The following DIP2A variants were observed in gnomAD, a reference collection of about 807,000 sequenced individuals.
DIP2A encodes DIP2 acetate--CoA ligase A.
A neutral mutation model predicts 177.4 loss-of-function variants in DIP2A; 85 were observed. The ratio of observed to expected loss-of-function variants is 0.48; its 90% CI spans 0.40 to 0.57. The LOEUF (loss-of-function observed/expected upper bound fraction) is 0.57. Among genes scored for constraint, DIP2A ranks in the 20% least tolerant of loss-of-function variants. The pLI is 0.00. For synonymous variants in DIP2A, 886 were observed against 881.8 expected, an observed-to-expected ratio of 1.00 and a Z score of -0.08; for missense variants, 1,791 against 2,100.2, an observed-to-expected ratio of 0.85 and a Z score of 2.88.
rs1008379313 is a variant in DIP2A at position 46,537,822 on chromosome 21, A to G, written c.1801+283A>G. ...GTTGAGGTGCCTCCTGGGACCAAGC[A>G]GGAGGCCCCAGCATGGCCACACCTG... On this transcript the variant is annotated intron_variant, in intron 15 of 37. Coordinates refer to ENST00000417564, the MANE Select transcript of DIP2A (RefSeq NM_015151.4). The surrounding 1 kb of genome is among the most constrained non-coding windows in gnomAD (Gnocchi z 4.1). Among the ~76,000 whole-genome samples the G allele has an allele frequency of 1.3e-5, 2 of 152,032 alleles. No individual in the cohort carries two copies. Among genetic ancestry groups the G allele is most frequent in the African/African-American group, 4.8e-5 (2 of 41,424 alleles).
At chr21:46,507,231 T>A (rs1004904294) in intron 6 of DIP2A, among the ~76,000 whole-genome samples, 7 of 152,336 alleles carry the variant, frequency 4.6e-5, no homozygotes, top group African/African-American at 1.7e-4. Context: ...TGACATTCAG[T>A]TTACCAAATT....
chr21:46,547,405 C>T (rs768527520), intron 21 of DIP2A, among the ~76,000 whole-genome samples: 4 of 152,132 alleles, frequency 2.6e-5, no homozygotes, highest in African/African-American at 7.2e-5. Context: ...ATTTTCTCTG[C>T]GAGACACATG....
chr21:46,532,023 A>G, intron 9 of DIP2A, 104 bp from the exon 10 acceptor site: 1 of 1,022,428 alleles, frequency 9.8e-7, no homozygotes. Flanking sequence ...CAATTATTAC[A>G]ATATTTGGGG....
At position 46,459,149 on chromosome 21, in the gene DIP2A, C is replaced by T; in HGVS notation, c.18C>T (p.Cys6=). The T allele has an allele frequency of 6.6e-7, 1 of 1,516,462 alleles. No individual in the cohort carries two copies. Among genetic ancestry groups the T allele is most frequent in the East Asian group, 2.7e-5 (1 of 36,408 alleles). The allele number at this position is 1,516,462 out of a possible 1,614,324, so 93.9% of individuals were successfully genotyped here. ...GCCTGGCCATGGCTGACCGCGGGTGCCCGCTGGAGGCGGCGCCGCTGCCTG... is the reference window on the plus strand; with the variant it reads ...GCCTGGCCATGGCTGACCGCGGGTGTCCGCTGGAGGCGGCGCCGCTGCCTG... MADRG[C]PLEAAPLPAE... Residue 6 remains cysteine, a synonymous_variant, in exon 1 of 38, where the codon TGC becomes TGT. Coordinates refer to ENST00000417564, the MANE Select transcript of DIP2A (RefSeq NM_015151.4).
intron 8 of DIP2A, among the ~76,000 whole-genome samples, chr21:46,526,526 C>A (rs1166407103): frequency 6.6e-6 from 1 of 151,854 alleles, no homozygotes; most frequent in South Asian, 2.1e-4. Context: ...TCCTGAGTAG[C>A]TGGGATTACA....
intron 13 of DIP2A, among the ~76,000 whole-genome samples, chr21:46,535,026 G>A (rs2059506362): frequency 6.6e-6 from 1 of 152,204 alleles, no homozygotes; most frequent in African/African-American, 2.4e-5. Context: ...TCACAGGCCT[G>A]CCCTGGGGGG....
intron 6 of DIP2A, among the ~76,000 whole-genome samples, chr21:46,506,365 G>T (rs1357968079): frequency 6.6e-6 from 1 of 152,182 alleles, no homozygotes; most frequent in Non-Finnish European, 1.5e-5. Context: ...TGATCCACCT[G>T]CCTTGGCCAC....
intron 1 of DIP2A, among the ~76,000 whole-genome samples, chr21:46,471,925 G>A (rs911699150): frequency 1.3e-5 from 2 of 152,176 alleles, no homozygotes; most frequent in Admixed American, 1.3e-4. Context: ...TTTGGAAATA[G>A]CAGACAAAGA....
At chr21:46,495,243 T>TCTTTTC (rs773968410) in intron 3 of DIP2A, among the ~76,000 whole-genome samples, 1 of 72,234 alleles carries the variant, frequency 1.4e-5, no homozygotes, top group African/African-American at 9.0e-5. Flanking sequence ...TCTTCTCTTC[T>TCTTTTC]TTCTCTCTCT....
rs761921331 is a variant in DIP2A at position 46,569,711 on chromosome 21, C to A, written c.*2089C>A. 8 of 152,086 alleles carry A rather than the reference C, an allele frequency of 5.3e-5. No individual in the cohort carries two copies. Among genetic ancestry groups the A allele is most frequent in the Non-Finnish European group, 1.2e-4 (8 of 68,002 alleles). The allele number at this position is 152,086 out of a possible 1,614,324, so 9.4% of individuals were successfully genotyped here. A position where few individuals can be genotyped will look rare whatever the true frequency, so the allele number is the denominator to read the frequency against. ...AATAAAAGTTATTGACTTTGTAATT[C>A]TGCATTTTGAAATGTGTGAAAAGGG... On this transcript the variant is annotated 3_prime_UTR_variant, in exon 38 of 38. Transcript: ENST00000417564.
At chr21:46,493,304 T>G (rs1462367441) in intron 3 of DIP2A, among the ~76,000 whole-genome samples, 1 of 152,144 alleles carries the variant, frequency 6.6e-6, no homozygotes. Flanking sequence ...AGTTCTAGGT[T>G]GTTTTTAATC....
rs934976108 is a variant in DIP2A, at chr21:46,557,326, C to T, written c.3629+257C>T. ...CTTCAAACACTAGAAAGTGGCGATC[C>T]GTCTCTAGAAGTGAATGCCTCTGGA... is the stretch of plus-strand genomic sequence containing the variant. On this transcript the variant is annotated intron_variant, in intron 30 of 37. Transcript: ENST00000417564. The surrounding 1 kb of genome is among the most constrained non-coding windows in gnomAD (Gnocchi z 6.0). 68 of 623,230 alleles carry T rather than the reference C, an allele frequency of 1.1e-4. No individual in the cohort carries two copies. Among genetic ancestry groups the T allele is most frequent in the Middle Eastern group, 4.3e-4 (1 of 2,328 alleles). The allele number at this position is 623,230 out of a possible 1,614,324, so 38.6% of individuals were successfully genotyped here.
At chr21:46,484,683 C>A in intron 1 of DIP2A, 74 bp from the exon 2 acceptor site, 1 of 1,314,928 alleles carries the variant, frequency 7.6e-7, no homozygotes. Context: ...GTTTTTCAAT[C>A]ATAAATTGAT....
chr21:46,522,202 C>T (rs1324451725), intron 8 of DIP2A, among the ~76,000 whole-genome samples: 1 of 152,192 alleles, frequency 6.6e-6, no homozygotes, highest in Non-Finnish European at 1.5e-5. Context: ...TTTAATTTTT[C>T]TGACAAGATA....
At chr21:46,533,860 A>G in intron 11 of DIP2A, 144 bp from the exon 12 acceptor site, 1 of 960,192 alleles carries the variant, frequency 1.0e-6, no homozygotes, top group Non-Finnish European at 1.5e-6. Context: ...TACCTTTTTA[A>G]ATTATATAAA....
At position 46,520,862 on chromosome 21, in the gene DIP2A, A is replaced by G. The variant is rs562621251; in HGVS notation, c.1103-8230A>G. The stretch of plus-strand genomic sequence containing the variant: ...TGACAGTGCTTGCTGTGTGATTTTT[A>G]TACCAAATAAGCTGAATATGTCATT... On this transcript the variant is annotated intron_variant, in intron 8 of 37. Coordinates refer to ENST00000417564, the MANE Select transcript of DIP2A (RefSeq NM_015151.4). Among the ~76,000 whole-genome samples, 4 of 152,366 alleles carry G rather than the reference A, an allele frequency of 2.6e-5. No individual in the cohort carries two copies. The South Asian group carries it at 8.3e-4, about 32-fold the overall frequency.
At chr21:46,508,406 T>C (rs979024821) in intron 6 of DIP2A, among the ~76,000 whole-genome samples, 2 of 141,150 alleles carry the variant, frequency 1.4e-5, no homozygotes, top group Non-Finnish European at 3.0e-5. Context: ...TCACCAAGGC[T>C]GGAGTGCAGT....
chr21:46,529,742 A>T (rs2059277564), intron 9 of DIP2A, among the ~76,000 whole-genome samples: 1 of 152,028 alleles, frequency 6.6e-6, no homozygotes, highest in Admixed American at 6.6e-5. Flanking sequence ...TTGACTTCAT[A>T]TATGTTGATA....
chr21:46,517,984 T>A (rs2058661118), intron 8 of DIP2A, among the ~76,000 whole-genome samples: 1 of 152,274 alleles, frequency 6.6e-6, no homozygotes, highest in African/African-American at 2.4e-5. Flanking sequence ...ATTCAGTTTT[T>A]AAACTCATCT....
Sources: gnomAD v4.1 joint callset for allele counts (sites outside exome capture counted in the v4.1 genomes callset) on GRCh38, gnomAD v4.1.1 for gene constraint, Gnocchi (gnomAD v3.1) non-coding constraint, MANE v1.5 for transcripts, NCBI Gene and HGNC (gene_info 2026-07-23, HGNC 2026-07-21) for gene names.